The following ZSCAN32 variants were observed in gnomAD, a reference collection of about 807,000 sequenced individuals.
ZSCAN32 encodes the protein zinc finger and SCAN domain-containing protein 32.
A neutral mutation model predicts 47.4 loss-of-function variants in ZSCAN32; 52 were observed. The ratio of observed to expected loss-of-function variants is 1.10; its 90% confidence interval spans 0.88 to 1.38. ZSCAN32 has a LOEUF of 1.38. ZSCAN32 is among the 40% of genes most tolerant of loss of function. ZSCAN32 has a pLI of 0.00. For missense variants in ZSCAN32, 959 were observed against 846.0 expected (o/e 1.13, Z -1.66); for synonymous variants, 346 against 305.7 (o/e 1.13, Z -1.38).
At chr16:3,395,402 T>G (rs562853526) in intron 2 of ZSCAN32, among the ~76,000 whole-genome samples, 1 of 152,278 alleles carries the variant, frequency 6.6e-6, no homozygotes, top group Non-Finnish European at 1.5e-5. Context: ...AATTGAATCA[T>G]GGGGGCAGTT....
chr16:3,393,607 GTTCCTCACC>G (rs2033076015), intron 3 of ZSCAN32, 33 bp downstream of exon 3: 1 of 1,470,628 alleles, frequency 6.8e-7, no homozygotes, highest in African/African-American at 1.4e-5. Flanking sequence ...GTAAATGATT[GTTCCTCACC>G]TGCCTCAGGT....
chr16:3,383,688 T>TA lies in ZSCAN32; in HGVS notation c.1257dup (p.Lys420Ter). The TA allele has an allele frequency of 6.3e-7, 1 of 1,588,264 alleles. No homozygotes were observed. Among genetic ancestry groups the TA allele is most frequent in the Admixed American group, 1.8e-5 (1 of 55,682 alleles). On this transcript the variant is annotated frameshift_variant, in exon 7 of 7. Coordinates refer to ENST00000396852, the MANE Select transcript of ZSCAN32 (RefSeq NM_001284527.2). LOFTEE classifies it low-confidence loss of function (END_TRUNC). Reference sequence around the variant, plus strand: ...TCATCCCATTTTAGATTTTCTTTTTTAATCTCGTTCTTGAACTCAAAACCT... The same window carrying TA: ...TCATCCCATTTTAGATTTTCTTTTTTAAATCTCGTTCTTGAACTCAAAACCT...
In ZSCAN32 at chr16:3,384,540, C is replaced by G. The variant is rs748750918; in HGVS notation, c.1153G>C (p.Asp385His). 1.4e-5 allele frequency: 22 copies of G among 1,614,076 alleles called. No individual in the cohort carries two copies. The South Asian group carries it at 2.2e-4, about 16-fold the overall frequency. The change falls in exon 6 of 7, where the codon GAC becomes CAC. Residue 385 changes from aspartate (D) to histidine (H), a missense_variant. Physicochemically the swap from Asp to His is moderately conservative, Grantham distance 81. Coordinates refer to ENST00000396852, the MANE Select transcript of ZSCAN32 (RefSeq NM_001284527.2). Reference protein sequence around the residue: ...EVEDGTVDGADRDEKDFRNPG... With the variant: ...EVEDGTVDGAHRDEKDFRNPG... The stretch of plus-strand genomic sequence containing the variant: ...TTCCTGAAGTCCTTTTCATCCCTGT[C>G]TGCACCATCCACAGTGCCATCTTCT...
chr16:3,390,497 G>A lies in ZSCAN32; in HGVS notation c.553C>T (p.Pro185Ser). 6.5e-7 allele frequency: 1 copy of A among 1,549,068 alleles called. No homozygotes were observed. The highest frequency in any genetic ancestry group is 2.0e-5 in the Admixed American group (1 of 51,002). ...CCTGTGTTTTGAGGCAGGTTCCTGGGAGCCTGAGGAGCAAGCCAGGCTGGG... is the reference window on the plus strand; with the variant it reads ...CCTGTGTTTTGAGGCAGGTTCCTGGAAGCCTGAGGAGCAAGCCAGGCTGGG... Reference protein sequence around the residue: ...QSEAWLAPQAPRNLPQNTGLH... With the variant: ...QSEAWLAPQASRNLPQNTGLH... Residue 185 changes from proline to serine, a missense_variant, in exon 4 of 7, where the codon CCC becomes TCC. By Grantham distance (74) the Pro-to-Ser change is moderately conservative. Transcript: ENST00000396852.
intron 5 of ZSCAN32, among the ~76,000 whole-genome samples, chr16:3,388,043 CAAATT>C (rs2032221300): frequency 6.6e-6 from 1 of 152,164 alleles, no homozygotes; most frequent in African/African-American, 2.4e-5. Flanking sequence ...TAGTACTTCT[CAAATT>C]ATCTATGAAG....
In ZSCAN32 at chr16:3,393,221, TATATATAA is replaced by T. The variant is rs1275369852; in HGVS notation, c.532+420_532+427del. Among the ~76,000 whole-genome samples the T allele has an allele frequency of 2.9e-4, 7 of 24,368 alleles. 2 individuals are homozygous for T. In the East Asian group the frequency reaches 6.9e-3, roughly 24 times the overall value. The allele number at this position is 24,368 out of a possible 152,430, so 16.0% of individuals were successfully genotyped here. A position where few individuals can be genotyped will look rare whatever the true frequency, so the allele number is the denominator to read the frequency against. On this transcript the variant is annotated intron_variant, in intron 3 of 6. Coordinates refer to ENST00000396852, the MANE Select transcript of ZSCAN32 (RefSeq NM_001284527.2). The stretch of plus-strand genomic sequence containing the variant: ...ATATATTTATATTTATATATATATA[TATATATAA>T]ATTTATATATTTTATATATATATAT...
chr16:3,396,030 T>C (rs2033339651), intron 2 of ZSCAN32, among the ~76,000 whole-genome samples: 1 of 152,136 alleles, frequency 6.6e-6, no homozygotes, highest in South Asian at 2.1e-4. Flanking sequence ...ATAAGTGTGA[T>C]TCCGACATGG....
At chr16:3,395,829 C>T (rs534423751) in intron 2 of ZSCAN32, among the ~76,000 whole-genome samples, 3 of 152,146 alleles carry the variant, frequency 2.0e-5, no homozygotes, top group African/African-American at 7.2e-5. Context: ...CAAAACCTCA[C>T]CTGTAATAAA....
intron 5 of ZSCAN32, among the ~76,000 whole-genome samples, chr16:3,386,772 C>T (rs185790317): frequency 6.6e-6 from 1 of 152,160 alleles, no homozygotes; most frequent in Non-Finnish European, 1.5e-5. Context: ...AGGGGAACAT[C>T]ACACACGGAG....
intron 5 of ZSCAN32, among the ~76,000 whole-genome samples, chr16:3,385,641 A>G (rs910787276): frequency 2.0e-5 from 3 of 152,226 alleles, no homozygotes; most frequent in African/African-American, 7.2e-5. Context: ...ATAATGCCGC[A>G]TATCTACAAC....
In ZSCAN32 at chr16:3,384,887, C is replaced by A. The variant is rs139132006; in HGVS notation, c.806G>T (p.Ser269Ile). The A allele has an allele frequency of 6.2e-7, 1 of 1,614,004 alleles. No individual in the cohort carries two copies. The highest frequency in any genetic ancestry group is 1.3e-5 in the African/African-American group (1 of 74,898). Reference protein sequence around the residue: ...EETKTLLAILSSSQFYGKLQT... With the variant: ...EETKTLLAILISSQFYGKLQT... ...GAGTTTTCCATAAAATTGAGAACTA[C>A]TAAGAATAGCCAGGAGCGTCTTGGT... is the stretch of plus-strand genomic sequence containing the variant. Residue 269 changes from serine to isoleucine, a missense_variant, in exon 6 of 7, where the codon AGT (serine) becomes ATT (isoleucine). Physicochemically the swap from Ser to Ile is moderately radical, Grantham distance 142 (BLOSUM62 -2). Transcript: ENST00000396852.
At chr16:3,384,002 G>A (rs542593754) in intron 6 of ZSCAN32, 4 of 454,124 alleles carry the variant, frequency 8.8e-6, no homozygotes, top group Middle Eastern at 3.0e-4. Flanking sequence ...CTGCCAGTCT[G>A]TTTATAGGTG....
Position 3,397,360 on chromosome 16 carries a change from C to T in ZSCAN32, c.198G>A (p.Leu66=). 1.9e-6 allele frequency: 3 copies of T among 1,557,450 alleles called. No homozygotes were observed. The highest frequency in any genetic ancestry group is 2.6e-6 in the Non-Finnish European group (3 of 1,150,912). Residue 66 remains leucine, a synonymous_variant, in exon 2 of 7, where the codon CTG becomes CTA. Coordinates refer to ENST00000396852, the MANE Select transcript of ZSCAN32 (RefSeq NM_001284527.2). ...CCTCTTTTGAGTGGGTCTTCGGCCT[C>T]AGCCACTGACAACAGAGTTCCCAGA... ...SKLWELCCQW[L]RPKTHSKEEI...
chr16:3,389,976 T>C (rs1324467340), intron 5 of ZSCAN32, 34 bp downstream of exon 5: 2 of 1,575,304 alleles, frequency 1.3e-6, no homozygotes, highest in East Asian at 2.3e-5. Context: ...ACTGAACACA[T>C]CCACCTTGAC....
Position 3,397,197 on chromosome 16 carries a change from G to T in ZSCAN32, c.361C>A (p.Gln121Lys), listed in dbSNP as rs550369135. ...TTCCGACTTCCTTTTCTCACCTGTT[G>T]TCCAGGAGCTCTCTGTACATCCTCA... is the stretch of plus-strand genomic sequence containing the variant. The part of the protein sequence containing the change: ...LVEDVQRAPG[Q>K]QVLDSEKDLK... The change falls in exon 2 of 7, where the codon CAA (glutamine) becomes AAA (lysine). Residue 121 changes from glutamine to lysine, a missense_variant. Coordinates refer to ENST00000396852, the MANE Select transcript of ZSCAN32 (RefSeq NM_001284527.2). 4.3e-5 allele frequency: 66 copies of T among 1,523,104 alleles called. No homozygotes were observed. The African/African-American group carries it at 9.1e-4, about 21-fold the overall frequency. The allele number at this position is 1,523,104 out of a possible 1,614,324, so 94.3% of individuals were successfully genotyped here.
chr16:3,384,859 C>T lies in ZSCAN32; in HGVS notation c.834G>A (p.Gln278=). The T allele has an allele frequency of 6.2e-7, 1 of 1,614,122 alleles. No individual in the cohort carries two copies. The highest frequency in any genetic ancestry group is 1.6e-4 in the Middle Eastern group (1 of 6,062). Residue 278 remains glutamine (Q), a synonymous_variant, in exon 6 of 7, where the codon CAG becomes CAA. Coordinates refer to ENST00000396852, the MANE Select transcript of ZSCAN32 (RefSeq NM_001284527.2). ...AGATCTGGCTGTTCTGCTGACAGGTCTGGAGTTTTCCATAAAATTGAGAAC... is the reference window on the plus strand; with the variant it reads ...AGATCTGGCTGTTCTGCTGACAGGTTTGGAGTTTTCCATAAAATTGAGAAC... ...LSSSQFYGKL[Q]TCQQNSQIYR... is the part of the protein sequence containing the mutation.
Position 3,383,651 on chromosome 16 carries a change from A to T in ZSCAN32, c.1295T>A (p.Val432Glu). The T allele has an allele frequency of 1.9e-6, 3 of 1,611,290 alleles. No individual in the cohort carries two copies. The highest frequency in any genetic ancestry group is 2.5e-6 in the Non-Finnish European group (3 of 1,179,818). The change falls in exon 7 of 7, where the codon GTA (valine) becomes GAA (glutamate). Residue 432 changes from valine (V) to glutamate (E), a missense_variant. By Grantham distance (121) the Val-to-Glu change is moderately radical. Coordinates refer to ENST00000396852, the MANE Select transcript of ZSCAN32 (RefSeq NM_001284527.2). ...ENLKWDDSEE[V>E]EINKALQRKS... is the part of the protein sequence containing the mutation. ...TCTCTGTAAAGCCTTGTTTATTTCTACTTCCTCTGAATCATCCCATTTTAG... is the reference window on the plus strand; with the variant it reads ...TCTCTGTAAAGCCTTGTTTATTTCTTCTTCCTCTGAATCATCCCATTTTAG...
chr16:3,390,337 G>C (rs1425888578), intron 4 of ZSCAN32, 86 bp downstream of exon 4: 2 of 1,396,994 alleles, frequency 1.4e-6, no homozygotes, highest in African/African-American at 1.5e-5. Flanking sequence ...GGACCACACA[G>C]AATCTTTCTC....
chr16:3,392,973 A>C (rs1353635741), intron 3 of ZSCAN32, among the ~76,000 whole-genome samples: 1 of 150,458 alleles, frequency 6.6e-6, no homozygotes, highest in Non-Finnish European at 1.5e-5. Flanking sequence ...GTCTTCAAGT[A>C]TATGAAAAAC....
Sources: gnomAD v4.1 joint callset for allele counts (sites outside exome capture counted in the v4.1 genomes callset) on GRCh38, gnomAD v4.1.1 for gene constraint, MANE v1.5 for transcripts, NCBI Gene and HGNC (gene_info 2026-07-23, HGNC 2026-07-21) for gene names.